SLIT3: variants seen among roughly 807,000 people sequenced by gnomAD.
SLIT3 encodes slit guidance ligand 3, also known as slit homolog 3 protein.
Under a neutral mutation model 184.0 loss-of-function variants are expected in SLIT3, and 68 were observed. The observed-to-expected ratio is 0.37, with a 90% CI of 0.30 to 0.45. The LOEUF (loss-of-function observed/expected upper bound fraction) is 0.45, where lower values mean the gene tolerates loss of function less well. Ranked by LOEUF, SLIT3 falls within the 20% of genes least tolerant of loss-of-function variation. The pLI, the probability that SLIT3 is intolerant of heterozygous loss-of-function variation, is 1.00. For synonymous variants in SLIT3, 831 were observed against 828.6 expected (o/e 1.00, Z -0.05); for missense variants, 1,707 against 2,026.0 (o/e 0.84, Z 3.02).
At chr5:169,094,444 C>G (rs1025769151) in intron 4 of SLIT3, among the ~76,000 whole-genome samples, 1 of 152,208 alleles carries the variant, frequency 6.6e-6, no homozygotes, top group Non-Finnish European at 1.5e-5. Context: ...GCCTGGCCAA[C>G]AGAGTGAAAC....
chr5:168,925,662 G>T (rs1188525957), intron 4 of SLIT3, among the ~76,000 whole-genome samples: 1 of 139,572 alleles, frequency 7.2e-6, no homozygotes, highest in African/African-American at 2.7e-5. Flanking sequence ...TCTCTGCCCT[G>T]TTAAAAAAAA....
chr5:168,942,109 A>G (rs1762352176), intron 4 of SLIT3, among the ~76,000 whole-genome samples: 1 of 152,186 alleles, frequency 6.6e-6, no homozygotes. Flanking sequence ...TACATCCCCC[A>G]GAAGCAGTGA....
intron 4 of SLIT3, among the ~76,000 whole-genome samples, chr5:168,965,380 T>C (rs1237816543): frequency 2.0e-5 from 3 of 152,208 alleles, no homozygotes; most frequent in African/African-American, 7.2e-5. Context: ...GAAATCATAA[T>C]AGCTAAGGAG....
chr5:168,884,022 G>T (rs1187120670), intron 4 of SLIT3, among the ~76,000 whole-genome samples: 2 of 151,944 alleles, frequency 1.3e-5, no homozygotes, highest in African/African-American at 2.4e-5. Flanking sequence ...ATAGTGTCAG[G>T]TTCTACAGCT....
intron 4 of SLIT3, among the ~76,000 whole-genome samples, chr5:168,909,574 T>C (rs183170268): frequency 6.6e-4 from 101 of 152,332 alleles, no homozygotes; most frequent in African/African-American, 2.2e-3. Context: ...CGTAGAGAAA[T>C]AATTTTATTA....
intron 8 of SLIT3, among the ~76,000 whole-genome samples, chr5:168,813,216 C>T (rs886445756): frequency 1.6e-4 from 24 of 151,628 alleles, no homozygotes; most frequent in African/African-American, 5.8e-4. Flanking sequence ...CAAATTGCGA[C>T]TGGTAGAAAC....
chr5:168,966,569 C>T (rs1350332447), intron 4 of SLIT3, among the ~76,000 whole-genome samples: 1 of 152,174 alleles, frequency 6.6e-6, no homozygotes, highest in African/African-American at 2.4e-5. Flanking sequence ...CTTGAGTCTA[C>T]ATATTACACC....
At chr5:169,260,823 T>G (rs900938390) in intron 1 of SLIT3, among the ~76,000 whole-genome samples, 2 of 152,238 alleles carry the variant, frequency 1.3e-5, no homozygotes, top group Non-Finnish European at 2.9e-5. Context: ...GCGTGGTCTC[T>G]GCCCATAAGA....
chr5:169,121,396 C>T (rs1760867505), intron 4 of SLIT3, among the ~76,000 whole-genome samples: 1 of 152,178 alleles, frequency 6.6e-6, no homozygotes, highest in South Asian at 2.1e-4. Context: ...CCAAAAAGAA[C>T]CCGCCCCTGC....
At chr5:169,044,505 T>G (rs1228759599) in intron 4 of SLIT3, among the ~76,000 whole-genome samples, 3 of 150,594 alleles carry the variant, frequency 2.0e-5, no homozygotes, top group Non-Finnish European at 2.9e-5. Context: ...TACTGCAGGA[T>G]TCCATTTTTA....
chr5:168,959,576 C>A (rs1413829687), intron 4 of SLIT3, among the ~76,000 whole-genome samples: 1 of 152,124 alleles, frequency 6.6e-6, no homozygotes, highest in Admixed American at 6.5e-5. Flanking sequence ...TGTCACAGGC[C>A]CCGCCTCCAG....
chr5:168,871,348 T>C (rs1759511303), intron 5 of SLIT3, among the ~76,000 whole-genome samples: 1 of 152,182 alleles, frequency 6.6e-6, no homozygotes, highest in Non-Finnish European at 1.5e-5. Flanking sequence ...GAGTTTAGGA[T>C]GTAGGCATTT....
At chr5:168,785,165 C>G (rs895278357) in intron 12 of SLIT3, among the ~76,000 whole-genome samples, 1 of 151,934 alleles carries the variant, frequency 6.6e-6, no homozygotes, top group African/African-American at 2.4e-5. Context: ...ACTCCCACAC[C>G]CATAGTACAT....
chr5:168,815,408 A>G (rs1011769903), intron 8 of SLIT3, among the ~76,000 whole-genome samples: 1 of 152,150 alleles, frequency 6.6e-6, no homozygotes, highest in African/African-American at 2.4e-5. Context: ...CTCACCTGTA[A>G]TGATGTGTTT....
chr5:169,101,498 T>G (rs1260122206), intron 4 of SLIT3, among the ~76,000 whole-genome samples: 1 of 152,126 alleles, frequency 6.6e-6, no homozygotes, highest in African/African-American at 2.4e-5. Flanking sequence ...GATCTTCAAC[T>G]CCATGAGATC....
chr5:168,785,894 A>G lies in SLIT3; in HGVS notation c.1151+13T>C. On this transcript the variant is annotated intron_variant, in intron 12 of 35. Transcript: ENST00000519560. The stretch of plus-strand genomic sequence containing the variant: ...GTACCAAAGACACCAACAGTGACAA[A>G]GTTCCTACTCACAGCAGCTGTAGGG... 6.2e-7 allele frequency: 1 copy of G among 1,601,278 alleles called. No homozygotes were observed. Among genetic ancestry groups the G allele is most frequent in the Non-Finnish European group, 8.6e-7 (1 of 1,168,506 alleles).
chr5:169,109,302 G>A (rs1333905081), intron 4 of SLIT3, among the ~76,000 whole-genome samples: 1 of 152,196 alleles, frequency 6.6e-6, no homozygotes, highest in African/African-American at 2.4e-5. Flanking sequence ...AGGACATGAG[G>A]ATGGTTTCTC....
chr5:168,688,800 T>G (rs762071049), intron 29 of SLIT3, among the ~76,000 whole-genome samples: 7 of 152,254 alleles, frequency 4.6e-5, no homozygotes, highest in African/African-American at 7.2e-5. Context: ...TGCTACTGTG[T>G]TAAACTTGGC....
intron 6 of SLIT3, among the ~76,000 whole-genome samples, chr5:168,823,822 G>T (rs770491012): frequency 6.6e-6 from 1 of 152,188 alleles, no homozygotes; most frequent in Admixed American, 6.5e-5. Flanking sequence ...CTGGAGGTGG[G>T]ATCTGAGTCC....
Sources: gnomAD v4.1 joint callset for allele counts (sites outside exome capture counted in the v4.1 genomes callset) on GRCh38, gnomAD v4.1.1 for gene constraint, MANE v1.5 for transcripts, NCBI Gene and HGNC (gene_info 2026-07-23, HGNC 2026-07-21) for gene names.